Variants in NCOR1 observed in about 807,000 individuals in gnomAD.
The protein encoded by NCOR1 is protein phosphatase 1, regulatory subunit 109.
A neutral mutation model predicts 288.1 loss-of-function variants in NCOR1; 63 were observed. The observed-to-expected ratio is 0.22, with a 90% CI of 0.18 to 0.27. The LOEUF (loss-of-function observed/expected upper bound fraction) is 0.27. Ranked by LOEUF, NCOR1 falls within the 10% of genes least tolerant of loss-of-function variation. NCOR1 has a pLI of 1.00. For missense variants in NCOR1, 2,397 were observed against 3,019.2 expected (o/e 0.79, Z 4.83); for synonymous variants, 1,007 against 1,065.9 (o/e 0.94, Z 1.08).
At chr17:16,173,897 C>T (rs949717477) in intron 3 of NCOR1, among the ~76,000 whole-genome samples, 3 of 151,822 alleles carry the variant, frequency 2.0e-5, no homozygotes, top group Non-Finnish European at 4.4e-5. Flanking sequence ...TGCCATTATA[C>T]TCCTGCAGGG....
chr17:16,119,487 TAAA>T lies in NCOR1; in HGVS notation c.1853-5_1853-3del. 1 of 1,594,588 alleles carries T rather than the reference TAAA, an allele frequency of 6.3e-7. No individual in the cohort carries two copies. Among genetic ancestry groups the T allele is most frequent in the African/African-American group, 1.4e-5 (1 of 73,922 alleles). ...AGGTCTCCACAGGCTCTGTAGAAAC[TAAA>T]ATAAAGAGAGAACCCAATCAGGCAG... is the stretch of plus-strand genomic sequence containing the variant. On this transcript the variant is annotated splice_polypyrimidine_tract_variant and splice_region_variant and intron_variant, in intron 16 of 45. Transcript: ENST00000268712.
At chr17:16,179,561 TC>T (rs2084940351) in intron 3 of NCOR1, among the ~76,000 whole-genome samples, 1 of 152,062 alleles carries the variant, frequency 6.6e-6, no homozygotes, top group African/African-American at 2.4e-5. Flanking sequence ...ATATACCAAC[TC>T]CTCCTAAACT....
At chr17:16,192,561 CAGG>C (rs1220132541) in intron 2 of NCOR1, among the ~76,000 whole-genome samples, 2 of 152,158 alleles carry the variant, frequency 1.3e-5, no homozygotes, top group African/African-American at 2.4e-5. Flanking sequence ...GAGGCTGAGA[CAGG>C]AGAATTGCTT....
intron 6 of NCOR1, among the ~76,000 whole-genome samples, chr17:16,154,036 T>A (rs1024763733): frequency 1.4e-3 from 209 of 145,468 alleles, no homozygotes; most frequent in Non-Finnish European, 2.5e-3. Context: ...TTTTTTTTTT[T>A]TTTTATTTGA....
In NCOR1 at chr17:16,077,661, G is replaced by A. The variant is rs1598287625; in HGVS notation, c.3502-1959C>T. On this transcript the variant is annotated intron_variant, in intron 26 of 45. Transcript: ENST00000268712. ...AAGAAAAGAGAAAAGAAAAGAGAAA[G>A]AAAATGCTTTCTAAGAGTTTGTTGA... is the stretch of plus-strand genomic sequence containing the variant. 2.0e-5 allele frequency among the ~76,000 whole-genome samples: 3 copies of A among 151,936 alleles called. No individual in the cohort carries two copies. The South Asian group carries it at 6.2e-4, about 32-fold the overall frequency.
At chr17:16,183,361 A>G (rs1020559204) in intron 3 of NCOR1, among the ~76,000 whole-genome samples, 5 of 151,822 alleles carry the variant, frequency 3.3e-5, no homozygotes, top group African/African-American at 9.7e-5. Flanking sequence ...GATTCTACAC[A>G]TTAAAAAAAA....
chr17:16,119,198 GA>G (rs1484681061), intron 17 of NCOR1, among the ~76,000 whole-genome samples: 6 of 152,274 alleles, frequency 3.9e-5, no homozygotes, highest in African/African-American at 1.4e-4. Flanking sequence ...ACTGCAGAGA[GA>G]ATCTTAAATC....
At chr17:16,197,272 G>A (rs1200435609) in intron 1 of NCOR1, among the ~76,000 whole-genome samples, 1 of 151,292 alleles carries the variant, frequency 6.6e-6, no homozygotes, top group Non-Finnish European at 1.5e-5. Context: ...AGTGAGCCAA[G>A]ATGGCACCAC....
At chr17:16,181,205 A>ATGTGTG (rs1555787614) in intron 3 of NCOR1, among the ~76,000 whole-genome samples, 1 of 99,068 alleles carries the variant, frequency 1.0e-5, no homozygotes, top group East Asian at 4.6e-4. Context: ...GTATACATAT[A>ATGTGTG]TATGTATGTG....
intron 23 of NCOR1, among the ~76,000 whole-genome samples, chr17:16,082,476 G>A (rs2063547901): frequency 6.6e-6 from 1 of 152,084 alleles, no homozygotes; most frequent in Non-Finnish European, 1.5e-5. Context: ...TACACTTTGG[G>A]AAACCCAGGC....
At chr17:16,161,220 AACACACACAGACACACACACACACACAC>A in intron 5 of NCOR1, among the ~76,000 whole-genome samples, 1 of 113,880 alleles carries the variant, frequency 8.8e-6, no homozygotes, top group East Asian at 2.3e-4. Flanking sequence ...GCTAAAAGCA[AACACACACAGACACACACACACACACAC>A]ACACACACAC....
At chr17:16,214,237 A>T (rs951695625) in intron 1 of NCOR1, among the ~76,000 whole-genome samples, 30 of 152,378 alleles carry the variant, frequency 2.0e-4, no homozygotes, top group Non-Finnish European at 3.7e-4. Flanking sequence ...AAAACATTTT[A>T]AAAAGCTATT....
intron 42 of NCOR1, 159 bp from the exon 43 acceptor site, chr17:16,040,653 T>C: frequency 1.4e-6 from 1 of 729,724 alleles, no homozygotes; most frequent in Non-Finnish European, 2.3e-6. Context: ...GAAGTATTTT[T>C]TTTTTTTGAG....
intron 1 of NCOR1, among the ~76,000 whole-genome samples, chr17:16,212,671 G>C (rs1306853020): frequency 2.0e-5 from 3 of 152,180 alleles, no homozygotes; most frequent in African/African-American, 7.2e-5. Context: ...CAAACAGCCT[G>C]ACACTCACCT....
In NCOR1 at chr17:16,172,032, G is replaced by T. The variant is rs111924646; in HGVS notation, c.243-37C>A. Reference sequence around the variant, plus strand: ...AAAGAAAATAAACACTTGAAAATTTGTAAGTGATGTACAACTCCCTGGTAA... The same window carrying T: ...AAAGAAAATAAACACTTGAAAATTTTTAAGTGATGTACAACTCCCTGGTAA... On this transcript the variant is annotated intron_variant, in intron 3 of 45. Coordinates refer to ENST00000268712, the MANE Select transcript of NCOR1 (RefSeq NM_006311.4). 36 of 1,475,156 alleles carry T rather than the reference G, an allele frequency of 2.4e-5. No homozygotes were observed. In the African/African-American group the frequency reaches 2.8e-4, roughly 12 times the overall value. The allele number at this position is 1,475,156 out of a possible 1,614,324, so 91.4% of individuals were successfully genotyped here.
At chr17:16,128,792 T>A (rs2075151415) in intron 14 of NCOR1, among the ~76,000 whole-genome samples, 1 of 148,814 alleles carries the variant, frequency 6.7e-6, no homozygotes, top group Non-Finnish European at 1.5e-5. Context: ...AACACTTAGC[T>A]TTTTCCTTAA....
intron 17 of NCOR1, 92 bp from the exon 18 acceptor site, chr17:16,118,119 CA>C: frequency 7.8e-7 from 1 of 1,275,446 alleles, no homozygotes; most frequent in Non-Finnish European, 1.1e-6. Context: ...ACTGTATTCA[CA>C]ACCATTGACA....
At chr17:16,094,870 A>C (rs2066086750) in intron 21 of NCOR1, among the ~76,000 whole-genome samples, 2 of 152,112 alleles carry the variant, frequency 1.3e-5, no homozygotes, top group Non-Finnish European at 1.5e-5. Context: ...CTCAGTGCTC[A>C]ATGGTGCCCA....
At chr17:16,113,072 G>A (rs1044169115) in intron 18 of NCOR1, among the ~76,000 whole-genome samples, 6 of 151,246 alleles carry the variant, frequency 4.0e-5, no homozygotes, top group Non-Finnish European at 4.4e-5. Context: ...CACCATGGCC[G>A]GCTAACATTT....
Sources: gnomAD v4.1 joint callset for allele counts (sites outside exome capture counted in the v4.1 genomes callset) on GRCh38, gnomAD v4.1.1 for gene constraint, MANE v1.5 for transcripts, NCBI Gene and HGNC (gene_info 2026-07-23, HGNC 2026-07-21) for gene names.